Variants in LRRTM3 observed in about 807,000 individuals in gnomAD.
LRRTM3 encodes leucine-rich repeat transmembrane neuronal protein 3.
LRRTM3 carries 24 observed loss-of-function variants against 44.7 expected under a neutral mutation model. The observed-to-expected ratio is 0.54, with a 90% CI of 0.39 to 0.76. The LOEUF (loss-of-function observed/expected upper bound fraction) is 0.76, where lower values mean the gene tolerates loss of function less well. LRRTM3 is among the 30% of genes least tolerant of loss of function. The probability of loss-of-function intolerance (pLI) is 0.00; values close to 1 mark genes in which losing one functional copy is unlikely to be tolerated. For missense variants in LRRTM3, 587 were observed against 702.2 expected (o/e 0.84, Z 1.85); for synonymous variants, 277 against 278.7 (o/e 0.99, Z 0.06).
chr10:66,933,246 T>C (rs1847509998), intron 2 of LRRTM3, among the ~76,000 whole-genome samples: 1 of 152,254 alleles, frequency 6.6e-6, no homozygotes, highest in Non-Finnish European at 1.5e-5. Flanking sequence ...ACTTTCTGTT[T>C]TCACATAGGC....
chr10:67,011,158 T>C (rs1169030207), intron 2 of LRRTM3, among the ~76,000 whole-genome samples: 1 of 151,976 alleles, frequency 6.6e-6, no homozygotes, highest in East Asian at 1.9e-4. Flanking sequence ...TGAAACCCCG[T>C]CTCTACTAAA....
At chr10:67,083,679 C>T (rs1857161188) in intron 2 of LRRTM3, among the ~76,000 whole-genome samples, 1 of 152,076 alleles carries the variant, frequency 6.6e-6, no homozygotes, top group Non-Finnish European at 1.5e-5. Context: ...TTTCCCTCTA[C>T]CCTATCAATA....
intron 2 of LRRTM3, among the ~76,000 whole-genome samples, chr10:67,016,305 C>T (rs1220438325): frequency 2.6e-5 from 4 of 152,276 alleles, no homozygotes; most frequent in African/African-American, 7.2e-5. Context: ...TTTCAGCTTA[C>T]GAACTCAAAC....
intron 2 of LRRTM3, among the ~76,000 whole-genome samples, chr10:67,029,922 A>C (rs564770097): frequency 6.6e-6 from 1 of 152,346 alleles, no homozygotes; most frequent in South Asian, 2.1e-4. Context: ...GAACAGCCCC[A>C]TGGCTGGCCA....
intron 2 of LRRTM3, among the ~76,000 whole-genome samples, chr10:66,984,370 G>C (rs1221233975): frequency 6.6e-6 from 1 of 152,142 alleles, no homozygotes; most frequent in Non-Finnish European, 1.5e-5. Context: ...GGGGGAACAA[G>C]AAGGAAGGTT....
At chr10:66,947,132 T>C (rs879294680) in intron 2 of LRRTM3, among the ~76,000 whole-genome samples, 1 of 152,008 alleles carries the variant, frequency 6.6e-6, no homozygotes, top group Admixed American at 6.6e-5. Context: ...ACTCTAATGA[T>C]TGTATTAGAA....
At chr10:67,085,260 T>C (rs1857239533) in intron 2 of LRRTM3, among the ~76,000 whole-genome samples, 1 of 151,916 alleles carries the variant, frequency 6.6e-6, no homozygotes, top group African/African-American at 2.4e-5. Flanking sequence ...ATGTGGCTGA[T>C]CACATAATAG....
At chr10:66,933,407 C>CTA (rs1324223035) in intron 2 of LRRTM3, among the ~76,000 whole-genome samples, 2 of 152,160 alleles carry the variant, frequency 1.3e-5, no homozygotes, top group Admixed American at 1.3e-4. Flanking sequence ...GATCAGGCAA[C>CTA]TATAGCAAGG....
At chr10:67,090,202 T>G (rs1002875679) in intron 2 of LRRTM3, among the ~76,000 whole-genome samples, 1 of 152,070 alleles carries the variant, frequency 6.6e-6, no homozygotes, top group Non-Finnish European at 1.5e-5. Context: ...TTTTCGAGAT[T>G]GGACTCTTCT....
chr10:67,023,257 G>T (rs1230000467), intron 2 of LRRTM3, among the ~76,000 whole-genome samples: 1 of 152,134 alleles, frequency 6.6e-6, no homozygotes, highest in African/African-American at 2.4e-5. Context: ...ACAGTGAATA[G>T]GCCACAGAAG....
At chr10:67,074,000 A>G (rs923755536) in intron 2 of LRRTM3, among the ~76,000 whole-genome samples, 1 of 150,862 alleles carries the variant, frequency 6.6e-6, no homozygotes, top group African/African-American at 2.4e-5. Context: ...GATCTACTGA[A>G]TTATCAAAAT....
intron 2 of LRRTM3, among the ~76,000 whole-genome samples, chr10:67,063,824 G>T (rs1589683857): frequency 6.6e-6 from 1 of 152,268 alleles, no homozygotes; most frequent in East Asian, 1.9e-4. Flanking sequence ...ATCCCACAAA[G>T]ACTTTAAAAA....
intron 2 of LRRTM3, among the ~76,000 whole-genome samples, chr10:67,096,125 G>T (rs1249612097): frequency 6.6e-6 from 1 of 151,682 alleles, no homozygotes; most frequent in Non-Finnish European, 1.5e-5. Flanking sequence ...ATTTCTCTAA[G>T]AACTAAGCTA....
intron 2 of LRRTM3, among the ~76,000 whole-genome samples, chr10:67,079,681 C>G (rs1289993104): frequency 6.6e-6 from 1 of 151,998 alleles, no homozygotes; most frequent in Non-Finnish European, 1.5e-5. Context: ...AACCCCATCT[C>G]TACTAAAAAT....
intron 2 of LRRTM3, among the ~76,000 whole-genome samples, chr10:67,070,589 T>C (rs562497850): frequency 6.6e-6 from 1 of 151,684 alleles, no homozygotes; most frequent in South Asian, 2.1e-4. Context: ...TCTAGTAAAA[T>C]ACAGAAAATT....
intron 2 of LRRTM3, chr10:67,054,768 G>C (rs560344792): frequency 5.6e-4 from 85 of 152,178 alleles, no homozygotes; most frequent in African/African-American, 2.0e-3. Flanking sequence ...TTTGGGGAGA[G>C]ATCTTATCTC....
chr10:66,988,704 G>C (rs1850868185), intron 2 of LRRTM3, among the ~76,000 whole-genome samples: 1 of 152,022 alleles, frequency 6.6e-6, no homozygotes, highest in Admixed American at 6.6e-5. Flanking sequence ...GTCTGATTAG[G>C]TCACCTCTGA....
At chr10:67,083,504 A>G (rs940629715) in intron 2 of LRRTM3, among the ~76,000 whole-genome samples, 8 of 152,166 alleles carry the variant, frequency 5.3e-5, no homozygotes, top group South Asian at 2.1e-4. Context: ...CATTTCAACA[A>G]TGTGCTAATT....
chr10:67,014,871 T>C (rs1440732038), intron 2 of LRRTM3, among the ~76,000 whole-genome samples: 1 of 152,080 alleles, frequency 6.6e-6, no homozygotes, highest in African/African-American at 2.4e-5. Context: ...TATACATACA[T>C]AAGCCTTAAT....
Sources: gnomAD v4.1 joint callset for allele counts (sites outside exome capture counted in the v4.1 genomes callset) on GRCh38, gnomAD v4.1.1 for gene constraint, MANE v1.5 for transcripts, NCBI Gene and HGNC (gene_info 2026-07-23, HGNC 2026-07-21) for gene names.